NGEF: variants seen among roughly 807,000 people sequenced by gnomAD.
NGEF encodes the protein neuronal guanine nucleotide exchange factor, also known as ephexin-1.
NGEF carries 31 observed loss-of-function variants against 80.9 expected under a neutral mutation model. The observed-to-expected ratio is 0.38, with a 90% confidence interval of 0.29 to 0.52. NGEF has a LOEUF of 0.52. Ranked by LOEUF, NGEF falls within the 20% of genes least tolerant of loss-of-function variation. The probability of loss-of-function intolerance (pLI) is 0.84; values close to 1 mark genes in which losing one functional copy is unlikely to be tolerated. For synonymous variants in NGEF, 371 were observed against 370.2 expected (o/e 1.00, Z -0.03); for missense variants, 709 against 926.2 (o/e 0.77, Z 3.04).
At chr2:232,962,841 A>T (rs1053955946) in intron 3 of NGEF, among the ~76,000 whole-genome samples, 17 of 151,962 alleles carry the variant, frequency 1.1e-4, no homozygotes, top group Non-Finnish European at 8.8e-5. Flanking sequence ...GCCAATATTC[A>T]GGTGTCAATG....
intron 1 of NGEF, among the ~76,000 whole-genome samples, chr2:232,991,882 T>G (rs1418026055): frequency 6.6e-6 from 1 of 152,158 alleles, no homozygotes; most frequent in African/African-American, 2.4e-5. Flanking sequence ...GGATAGGCAT[T>G]TAGGTCAAGA....
chr2:232,934,669 A>G (rs1386958047), intron 3 of NGEF, among the ~76,000 whole-genome samples: 1 of 152,170 alleles, frequency 6.6e-6, no homozygotes, highest in Non-Finnish European at 1.5e-5. Flanking sequence ...AATATTTCAA[A>G]TATTTATACC....
At chr2:232,916,789 A>C (rs1462022207) in intron 5 of NGEF, among the ~76,000 whole-genome samples, 1 of 152,236 alleles carries the variant, frequency 6.6e-6, no homozygotes, top group African/African-American at 2.4e-5. Context: ...GGCAGAGTCC[A>C]TCACCATTTA....
chr2:232,894,694 A>G, intron 6 of NGEF, 62 bp downstream of exon 6: 1 of 1,436,234 alleles, frequency 7.0e-7, no homozygotes, highest in Non-Finnish European at 9.4e-7. Flanking sequence ...TCAGTGTCTC[A>G]AGCATGTGCC....
intron 2 of NGEF, among the ~76,000 whole-genome samples, chr2:232,971,530 C>T (rs1386854577): frequency 6.6e-6 from 1 of 152,058 alleles, no homozygotes; most frequent in South Asian, 2.1e-4. Flanking sequence ...ACTAAAAATA[C>T]AAAAATTAGC....
intron 3 of NGEF, among the ~76,000 whole-genome samples, chr2:232,943,832 G>A (rs966686952): frequency 2.6e-5 from 4 of 151,874 alleles, no homozygotes; most frequent in Admixed American, 2.6e-4. Context: ...AATCTCTTGT[G>A]ATTACCAAAC....
intron 5 of NGEF, among the ~76,000 whole-genome samples, chr2:232,916,329 G>T (rs188728290): frequency 3.9e-5 from 6 of 152,310 alleles, no homozygotes; most frequent in African/African-American, 1.2e-4. Context: ...AAGGCACAGA[G>T]AAGTTAAGTA....
Position 232,879,090 on chromosome 2 carries a change from C to CAGGAA in NGEF, c.*394_*398dup, listed in dbSNP as rs1691394431. On this transcript the variant is annotated 3_prime_UTR_variant, in exon 15 of 15. Transcript: ENST00000264051. ...CTTCCAAGGTAGAGGAGGACGCGTGCAGGAAATCGTGTCAATTGTCACCTT... is the reference window on the plus strand; with the variant it reads ...CTTCCAAGGTAGAGGAGGACGCGTGCAGGAAAGGAAATCGTGTCAATTGTCACCTT... 6.0e-6 allele frequency: 1 copy of CAGGAA among 165,688 alleles called. No individual in the cohort carries two copies. The highest frequency in any genetic ancestry group is 2.4e-5 in the African/African-American group (1 of 41,970). 10.3% of individuals were successfully genotyped at this position (165,688 alleles called of 1,614,324 possible).
In NGEF at chr2:232,927,865, C is replaced by A. The variant is rs749205295; in HGVS notation, c.384-679G>T. 2,060 of 1,250,782 alleles carry A rather than the reference C, an allele frequency of 1.6e-3. 3 individuals carry two copies. The highest frequency in any genetic ancestry group is 1.9e-3 in the Non-Finnish European group (1,939 of 996,478). The allele number at this position is 1,250,782 out of a possible 1,614,324, so 77.5% of individuals were successfully genotyped here. A position where few individuals can be genotyped will look rare whatever the true frequency, so the allele number is the denominator to read the frequency against. On this transcript the variant is annotated intron_variant, in intron 3 of 14. Transcript: ENST00000264051. Reference sequence around the variant, plus strand: ...AAAGAGGCACGCGGGGGCGGCGCGCCGGGGCCGGGACAGGCGCCCGTCCTC... The same window carrying A: ...AAAGAGGCACGCGGGGGCGGCGCGCAGGGGCCGGGACAGGCGCCCGTCCTC...
intron 1 of NGEF, among the ~76,000 whole-genome samples, chr2:232,987,815 C>T (rs1485554911): frequency 6.6e-6 from 1 of 152,130 alleles, no homozygotes; most frequent in Non-Finnish European, 1.5e-5. Context: ...TCAGCCTTAT[C>T]TTTGTTCTCC....
At chr2:232,941,087 A>T (rs1693428732) in intron 3 of NGEF, among the ~76,000 whole-genome samples, 1 of 152,130 alleles carries the variant, frequency 6.6e-6, no homozygotes, top group African/African-American at 2.4e-5. Flanking sequence ...GGTGGGGAAA[A>T]GCCAATGAGC....
At chr2:232,907,179 G>GAAAAAAAAAAAAAAAAAAAAAAA (rs1455116424) in intron 5 of NGEF, among the ~76,000 whole-genome samples, 1 of 25,500 alleles carries the variant, frequency 3.9e-5, no homozygotes, top group Non-Finnish European at 8.2e-5. Flanking sequence ...AAAAAGAAAA[G>GAAAAAAAAAAAAAAAAAAAAAAA]AAAAAAAAGA....
chr2:232,902,587 C>A (rs1239562781), intron 5 of NGEF, among the ~76,000 whole-genome samples: 2 of 152,204 alleles, frequency 1.3e-5, no homozygotes, highest in Admixed American at 6.5e-5. Flanking sequence ...CTCAAGATGA[C>A]CTGTTAATAA....
At chr2:232,971,076 G>A (rs200212746) in intron 2 of NGEF, among the ~76,000 whole-genome samples, 2 of 139,322 alleles carry the variant, frequency 1.4e-5, no homozygotes, top group East Asian at 2.0e-4. Context: ...CTGCTCACCC[G>A]GGGGTGGGAT....
intron 3 of NGEF, among the ~76,000 whole-genome samples, chr2:232,944,560 G>A (rs1211274431): frequency 6.6e-6 from 1 of 151,614 alleles, no homozygotes; most frequent in African/African-American, 2.4e-5. Context: ...CAGGGATGGA[G>A]TTATCTGTGC....
chr2:232,973,217 C>T (rs991720175), intron 2 of NGEF, among the ~76,000 whole-genome samples: 4 of 152,206 alleles, frequency 2.6e-5, no homozygotes, highest in Non-Finnish European at 5.9e-5. Context: ...GTGGGTTCCT[C>T]AAAGGCAGAG....
intron 14 of NGEF, 111 bp downstream of exon 14, chr2:232,881,035 G>A (rs976430042): frequency 7.7e-5 from 63 of 814,626 alleles, no homozygotes; most frequent in Admixed American, 2.2e-4. Context: ...CAAGAGACAT[G>A]GCAGGACACC....
In NGEF at chr2:232,892,059, C is replaced by T. The variant is rs940229333; in HGVS notation, c.1143-572G>A. ...CAGCCTCTGTGCTCACACGGCCTGGCGGGGGCCACAGCGGCAGGCTCTTGG... is the reference window on the plus strand; with the variant it reads ...CAGCCTCTGTGCTCACACGGCCTGGTGGGGGCCACAGCGGCAGGCTCTTGG... On this transcript the variant is annotated intron_variant, in intron 7 of 14. Transcript: ENST00000264051. This position sits in a 1 kb window ranked among gnomAD's most constrained non-coding sequence, Gnocchi z 4.0. 5.3e-5 allele frequency among the ~76,000 whole-genome samples: 8 copies of T among 152,324 alleles called. No individual in the cohort carries two copies. In the East Asian group the frequency reaches 1.3e-3, roughly 26 times the overall value.
chr2:232,955,008 T>G lies in NGEF; in HGVS notation c.383+15206A>C, dbSNP rs934367361. ...ATAACAGCTTACTTTTTCTTCGTAA[T>G]ACGCCTATTCATATTCTAACTCTCC... is the stretch of plus-strand genomic sequence containing the variant. On this transcript the variant is annotated intron_variant, in intron 3 of 14. Transcript: ENST00000264051. Among the ~76,000 whole-genome samples the G allele has an allele frequency of 1.2e-4, 19 of 152,034 alleles. 1 individual carries two copies. The East Asian group carries it at 3.7e-3, about 29-fold the overall frequency.
Sources: gnomAD v4.1 joint callset for allele counts (sites outside exome capture counted in the v4.1 genomes callset) on GRCh38, gnomAD v4.1.1 for gene constraint, Gnocchi (gnomAD v3.1) non-coding constraint, MANE v1.5 for transcripts, NCBI Gene and HGNC (gene_info 2026-07-23, HGNC 2026-07-21) for gene names.